TYK2: variants seen among roughly 807,000 people sequenced by gnomAD.
TYK2 encodes non-receptor tyrosine-protein kinase TYK2.
In TYK2, 65 loss-of-function variants were observed where a neutral mutation model predicts 130.9. The ratio of observed to expected loss-of-function variants is 0.50; its 90% CI spans 0.41 to 0.61. TYK2 has a LOEUF of 0.61. Among genes scored for constraint, TYK2 ranks in the 20% least tolerant of loss-of-function variants. TYK2 has a pLI of 0.00. For missense variants in TYK2, 1,378 were observed against 1,610.7 expected (o/e 0.86, Z 2.47); for synonymous variants, 647 against 658.9 (o/e 0.98, Z 0.28).
At chr19:10,376,763 G>T (rs534014559) in intron 3 of TYK2, among the ~76,000 whole-genome samples, 1 of 151,720 alleles carries the variant, frequency 6.6e-6, no homozygotes, top group East Asian at 1.9e-4. Flanking sequence ...CCCCACGCCC[G>T]GCTAGTTTTT....
At position 10,362,365 on chromosome 19, in the gene TYK2, A is replaced by G. The variant is rs1392753548; in HGVS notation, c.1568T>C (p.Phe523Ser). The G allele has an allele frequency of 3.7e-6, 6 of 1,613,940 alleles. No homozygotes were observed. Among genetic ancestry groups the G allele is most frequent in the Non-Finnish European group, 5.1e-6 (6 of 1,179,992 alleles). The change falls in exon 11 of 25, where the codon TTC (phenylalanine) becomes TCC (serine). Residue 523 changes from phenylalanine (F) to serine (S), a missense_variant. Physicochemically the swap from Phe to Ser is radical, Grantham distance 155 (BLOSUM62 -2). Coordinates refer to ENST00000525621, the MANE Select transcript of TYK2 (RefSeq NM_003331.5). Reference protein sequence around the residue: ...AFVLEGWGRSFPSVRELGAAL... With the variant: ...AFVLEGWGRSSPSVRELGAAL... ...AGCCCCAAGTTCCCGAACGCTGGGGAAGGACCGGCCCCAGCCCTCCAGCAC... is the reference window on the plus strand; with the variant it reads ...AGCCCCAAGTTCCCGAACGCTGGGGGAGGACCGGCCCCAGCCCTCCAGCAC...
chr19:10,366,524 C>T lies in TYK2; in HGVS notation c.522G>A (p.Glu174=), dbSNP rs767275997. The part of the protein sequence containing the change: ...VASLWELSTE[E]EIHHFKNESL... ...TCTCATTCTTAAAGTGGTGGATCTCCTCCTCGGTCGACAGCTCCCACAGTG... is the reference window on the plus strand; with the variant it reads ...TCTCATTCTTAAAGTGGTGGATCTCTTCCTCGGTCGACAGCTCCCACAGTG... Residue 174 remains glutamate (E), a synonymous_variant, in exon 6 of 25, where the codon GAG becomes GAA. Coordinates refer to ENST00000525621, the MANE Select transcript of TYK2 (RefSeq NM_003331.5). 28 of 1,613,870 alleles carry T rather than the reference C, an allele frequency of 1.7e-5. No homozygotes were observed. Among genetic ancestry groups the T allele is most frequent in the Non-Finnish European group, 2.3e-5 (27 of 1,179,990 alleles).
chr19:10,361,483 G>A lies in TYK2; in HGVS notation c.2047+28C>T, dbSNP rs2041397356. 1.3e-6 allele frequency: 2 copies of A among 1,545,572 alleles called. No homozygotes were observed. Among genetic ancestry groups the A allele is most frequent in the Admixed American group, 2.0e-5 (1 of 50,930 alleles). On this transcript the variant is annotated intron_variant, in intron 14 of 24. Coordinates refer to ENST00000525621, the MANE Select transcript of TYK2 (RefSeq NM_003331.5). The surrounding 1 kb of genome is among the most constrained non-coding windows in gnomAD (Gnocchi z 4.0). ...ATAAGTCAGGGGTGGCCTGCCAAAG[G>A]GGGATGGGTATGGCGGGACCCACTC...
rs1568337393 is a variant in TYK2 at position 10,365,060 on chromosome 19, G to A, written c.1012-12C>T. 1 of 1,596,454 alleles carries A rather than the reference G, an allele frequency of 6.3e-7. No homozygotes were observed. The highest frequency in any genetic ancestry group is 2.2e-5 in the East Asian group (1 of 44,628). On this transcript the variant is annotated splice_polypyrimidine_tract_variant and intron_variant, in intron 7 of 24. Coordinates refer to ENST00000525621, the MANE Select transcript of TYK2 (RefSeq NM_003331.5). ...CTGCCACTAGAACCCTGAACACCCAGCAAGTGGGGCAGAGGATGGAGAGGG... is the reference window on the plus strand; with the variant it reads ...CTGCCACTAGAACCCTGAACACCCAACAAGTGGGGCAGAGGATGGAGAGGG...
intron 3 of TYK2, among the ~76,000 whole-genome samples, chr19:10,371,831 A>G (rs2041917152): frequency 6.6e-6 from 1 of 152,040 alleles, no homozygotes; most frequent in South Asian, 2.1e-4. Context: ...GCAGTCTCTT[A>G]TTGAGGGACT....
intron 9 of TYK2, among the ~76,000 whole-genome samples, chr19:10,363,594 A>G (rs989974446): frequency 6.6e-6 from 1 of 152,146 alleles, no homozygotes; most frequent in Non-Finnish European, 1.5e-5. Context: ...GACCATCGCC[A>G]CTCACAAGGG....
rs748217089 is a variant in TYK2, at chr19:10,350,972, G to C, written c.3430-4C>G. On this transcript the variant is annotated splice_region_variant and splice_polypyrimidine_tract_variant and intron_variant, in intron 24 of 24. Transcript: ENST00000525621. ...AGTTCTTCATGAGATGATAGACCTA[G>C]AAGGAAAAACCAGGGCTGGTGGGGG... 6.2e-6 allele frequency: 10 copies of C among 1,614,204 alleles called. No homozygotes were observed. The highest frequency in any genetic ancestry group is 8.5e-6 in the Non-Finnish European group (10 of 1,180,034).
chr19:10,365,810 T>C lies in TYK2; in HGVS notation c.718A>G (p.Arg240Gly), dbSNP rs995853405. 1.2e-6 allele frequency: 2 copies of C among 1,612,370 alleles called. No individual in the cohort carries two copies. The highest frequency in any genetic ancestry group is 2.7e-5 in the African/African-American group (2 of 75,062). ...TRLRLRNVFRRFLRDFQPGRL... is the reference protein window; with the variant it reads ...TRLRLRNVFRGFLRDFQPGRL... ...CCCGGCTGGAAGTCCCGCAGGAACC[T>C]GCGGAAGACGTTCCGAAGGCGCAGC... The change falls in exon 7 of 25, where the codon AGG (arginine) becomes GGG (glycine). Residue 240 changes from arginine (R) to glycine (G), a missense_variant. Arg to Gly is a moderately radical substitution (Grantham distance 125). Coordinates refer to ENST00000525621, the MANE Select transcript of TYK2 (RefSeq NM_003331.5).
At position 10,361,093 on chromosome 19, in the gene TYK2, G is replaced by T. The variant is rs766532341; in HGVS notation, c.2047+418C>A. 2.1e-6 allele frequency: 1 copy of T among 480,374 alleles called. No homozygotes were observed. Among genetic ancestry groups the T allele is most frequent in the South Asian group, 1.6e-5 (1 of 63,780 alleles). 29.8% of individuals were successfully genotyped at this position (480,374 alleles called of 1,614,324 possible). On this transcript the variant is annotated intron_variant, in intron 14 of 24. Transcript: ENST00000525621. The surrounding 1 kb of genome is among the most constrained non-coding windows in gnomAD (Gnocchi z 4.0). ...AGCTACCTGCAGAGGAAAGGAAGAGGTGGGGTTAGGCAGGGTTGGATGTGC... is the reference window on the plus strand; with the variant it reads ...AGCTACCTGCAGAGGAAAGGAAGAGTTGGGGTTAGGCAGGGTTGGATGTGC...
intron 3 of TYK2, among the ~76,000 whole-genome samples, chr19:10,376,804 G>A (rs929922498): frequency 2.8e-4 from 43 of 151,012 alleles, no homozygotes; most frequent in African/African-American, 9.8e-4. Context: ...GTTTTGCCAT[G>A]TTGGCCAGGC....
chr19:10,361,536 A>G lies in TYK2; in HGVS notation c.2022T>C (p.His674=), dbSNP rs2041401827. The change falls in exon 14 of 25, where the codon CAT becomes CAC. Residue 674 remains histidine (H), a synonymous_variant. Coordinates refer to ENST00000525621, the MANE Select transcript of TYK2 (RefSeq NM_003331.5). The surrounding 1 kb of genome is among the most constrained non-coding windows in gnomAD (Gnocchi z 4.0). ...TTTCAGGGCCGCGCACACAGACGCC[A>G]TGCACGAAGGCCAGGTGCGTGTGGG... The part of the protein sequence containing the change: ...QVSHTHLAFV[H]GVCVRGPENI... 1 of 1,546,972 alleles carries G rather than the reference A, an allele frequency of 6.5e-7. No individual in the cohort carries two copies. The highest frequency in any genetic ancestry group is 1.2e-5 in the South Asian group (1 of 84,068).
At chr19:10,372,039 G>A (rs1299133004) in intron 3 of TYK2, among the ~76,000 whole-genome samples, 1 of 151,826 alleles carries the variant, frequency 6.6e-6, no homozygotes, top group Non-Finnish European at 1.5e-5. Flanking sequence ...CGCCCAGGCT[G>A]GAGTGTGGTG....
chr19:10,352,790 C>T (rs1052366073), intron 22 of TYK2, 136 bp downstream of exon 22: 20 of 1,201,898 alleles, frequency 1.7e-5, no homozygotes, highest in Non-Finnish European at 2.3e-5. Context: ...CCTCCATAGG[C>T]CCCACCCCCG....
intron 15 of TYK2, among the ~76,000 whole-genome samples, 156 bp from the exon 16 acceptor site, chr19:10,358,294 G>GTTTTTTTTTTTTTTTTTT (rs770531180): frequency 1.1e-5 from 1 of 91,442 alleles, no homozygotes; most frequent in African/African-American, 4.4e-5. Flanking sequence ...TTTTTTTCTT[G>GTTTTTTTTTTTTTTTTTT]TTTTTTTTTT....
chr19:10,372,484 A>ATATATATATTT (rs1390400916), intron 3 of TYK2, among the ~76,000 whole-genome samples: 2 of 37,440 alleles, frequency 5.3e-5, no homozygotes, highest in African/African-American at 2.6e-4. Flanking sequence ...ATATATATAT[A>ATATATATATTT]TTTTTTTTTT....
In TYK2 at chr19:10,364,761, A is replaced by G. The variant is rs146249132; in HGVS notation, c.1220T>C (p.Leu407Ser). The change falls in exon 9 of 25, where the codon TTG becomes TCG. Residue 407 changes from leucine (L) to serine (S), a missense_variant. Physicochemically the swap from Leu to Ser is moderately radical, Grantham distance 145. Coordinates refer to ENST00000525621, the MANE Select transcript of TYK2 (RefSeq NM_003331.5). The surrounding 1 kb of genome is among the most constrained non-coding windows in gnomAD (Gnocchi z 4.9). ...GGACAGCGCCGCAGCCCGGGAAGGC[A>G]AGCTCAGCTCCTGCCAGCCAGGGGC... ...RQDNKCLELS[L>S]PSRAAALSFV... The G allele has an allele frequency of 4.7e-5, 76 of 1,613,860 alleles. No individual in the cohort carries two copies. The highest frequency in any genetic ancestry group is 6.0e-5 in the Non-Finnish European group (71 of 1,180,018).
chr19:10,371,645 A>C (rs1354759149), intron 3 of TYK2, among the ~76,000 whole-genome samples: 1 of 152,124 alleles, frequency 6.6e-6, no homozygotes, highest in South Asian at 2.1e-4. Flanking sequence ...TCAAAAAAAA[A>C]AAAGTTATGA....
chr19:10,358,480 T>C, intron 15 of TYK2, among the ~76,000 whole-genome samples: 1 of 151,828 alleles, frequency 6.6e-6, no homozygotes, highest in East Asian at 2.0e-4. Context: ...AGATGGGGTC[T>C]AGCTATGCTG....
At chr19:10,377,541 TGGATGGGTGG>T (rs1335647553) in intron 3 of TYK2, among the ~76,000 whole-genome samples, 12 of 90,200 alleles carry the variant, frequency 1.3e-4, no homozygotes, top group African/African-American at 2.2e-4. Flanking sequence ...GATGGATGGA[TGGATGGGTGG>T]GTGGGTGGAT....
Sources: gnomAD v4.1 joint callset for allele counts (sites outside exome capture counted in the v4.1 genomes callset) on GRCh38, gnomAD v4.1.1 for gene constraint, Gnocchi (gnomAD v3.1) non-coding constraint, MANE v1.5 for transcripts, NCBI Gene and HGNC (gene_info 2026-07-23, HGNC 2026-07-21) for gene names.